HSPH1: variants seen among roughly 807,000 people sequenced by gnomAD.
HSPH1 encodes heat shock protein family H (Hsp110) member 1, also known as heat shock protein 105 kDa.
Under a neutral mutation model 100.0 loss-of-function variants are expected in HSPH1, and 40 were observed. The observed-to-expected ratio is 0.40, with a 90% CI of 0.31 to 0.52. The LOEUF is 0.52. HSPH1 is among the 20% of genes least tolerant of loss of function. The pLI is 0.54. For synonymous variants in HSPH1, 403 were observed against 344.0 expected (o/e 1.17, Z -1.90); for missense variants, 876 against 1,015.1 (o/e 0.86, Z 1.86).
At position 31,136,297 on chromosome 13, in the gene HSPH1, T is replaced by C. The variant is rs1484056260; in HGVS notation, c.*1021A>G. 6.6e-6 allele frequency: 1 copy of C among 152,208 alleles called. No homozygotes were observed. Among genetic ancestry groups the C allele is most frequent in the Non-Finnish European group, 1.5e-5 (1 of 68,040 alleles). 9.4% of individuals were successfully genotyped at this position (152,208 alleles called of 1,614,324 possible). ...ACTAATTTCCCTGGCACAGAGTTTT[T>C]AAAAACAGCCTACAGCACTATAACA... On this transcript the variant is annotated 3_prime_UTR_variant, in exon 18 of 18. Coordinates refer to ENST00000320027, the MANE Select transcript of HSPH1 (RefSeq NM_006644.4).
At chr13:31,144,074 G>T in intron 11 of HSPH1, 151 bp from the exon 12 acceptor site, 1 of 620,180 alleles carries the variant, frequency 1.6e-6, no homozygotes, top group Non-Finnish European at 2.4e-6. Flanking sequence ...AATGAACAAA[G>T]TACTTGAAAA....
chr13:31,141,435 T>C (rs1340983525), intron 12 of HSPH1, among the ~76,000 whole-genome samples, 176 bp from the exon 13 acceptor site: 1 of 152,084 alleles, frequency 6.6e-6, no homozygotes, highest in Non-Finnish European at 1.5e-5. Flanking sequence ...AGGGCTGCTA[T>C]TAAATATGCC....
At chr13:31,155,377 CTTTAA>C in intron 3 of HSPH1, 132 bp downstream of exon 3, 1 of 599,882 alleles carries the variant, frequency 1.7e-6, no homozygotes, top group Non-Finnish European at 2.9e-6. Flanking sequence ...ATCTACTATA[CTTTAA>C]AAGGAGCTGA....
chr13:31,161,790 T>TA lies in HSPH1; in HGVS notation c.-209dup. The TA allele has an allele frequency of 6.7e-7, 1 of 1,494,590 alleles. No individual in the cohort carries two copies. 92.6% of individuals were successfully genotyped at this position (1,494,590 alleles called of 1,614,324 possible). ...CCCGGGGACAGCGGCGGCTGGCTGA[T>TA]AAGAAACCCTGGGAGAAAGCGGGGC... is the stretch of plus-strand genomic sequence containing the variant. On this transcript the variant is annotated 5_prime_UTR_variant, in exon 1 of 18. Coordinates refer to ENST00000320027, the MANE Select transcript of HSPH1 (RefSeq NM_006644.4).
chr13:31,158,909 T>C, intron 1 of HSPH1, 46 bp from the exon 2 acceptor site: 1 of 1,153,052 alleles, frequency 8.7e-7, no homozygotes, highest in Non-Finnish European at 1.3e-6. Flanking sequence ...TAAAGGTTGA[T>C]ATTTTAAACT....
intron 12 of HSPH1, 58 bp downstream of exon 12, chr13:31,143,734 C>A: frequency 3.5e-6 from 5 of 1,428,284 alleles, no homozygotes; most frequent in Non-Finnish European, 4.7e-6. Flanking sequence ...TTAATGATAT[C>A]ATTAATGATT....
In HSPH1 at chr13:31,136,629, G is replaced by A. The variant is rs1593703597; in HGVS notation, c.*689C>T. 1 of 152,446 alleles carries A rather than the reference G, an allele frequency of 6.6e-6. No homozygotes were observed. The highest frequency in any genetic ancestry group is 1.5e-5 in the Non-Finnish European group (1 of 68,008). 9.4% of individuals were successfully genotyped at this position (152,446 alleles called of 1,614,324 possible). A position where few individuals can be genotyped will look rare whatever the true frequency, so the allele number is the denominator to read the frequency against. ...AATTAGTGACAAAATCAACAGTTTA[G>A]AAATGACACCATAAGATGAACTTTA... On this transcript the variant is annotated 3_prime_UTR_variant, in exon 18 of 18. Transcript: ENST00000320027.
In HSPH1 at chr13:31,135,217, G is replaced by A. The variant is rs1955856328; in HGVS notation, c.*2101C>T. 1 of 152,308 alleles carries A rather than the reference G, an allele frequency of 6.6e-6. No homozygotes were observed. 9.4% of individuals were successfully genotyped at this position (152,308 alleles called of 1,614,324 possible). A position where few individuals can be genotyped will look rare whatever the true frequency, so the allele number is the denominator to read the frequency against. The stretch of plus-strand genomic sequence containing the variant: ...GCAGTACACTGATTTAGGCCAGACT[G>A]ACTGATGCTCCCTCCCGTCATCAGG... On this transcript the variant is annotated 3_prime_UTR_variant, in exon 18 of 18. Coordinates refer to ENST00000320027, the MANE Select transcript of HSPH1 (RefSeq NM_006644.4).
At position 31,148,424 on chromosome 13, in the gene HSPH1, A is replaced by T. The variant is rs757155761; in HGVS notation, c.1194T>A (p.Val398=). 2 of 1,586,774 alleles carry T rather than the reference A, an allele frequency of 1.3e-6. No individual in the cohort carries two copies. The highest frequency in any genetic ancestry group is 4.6e-5 in the East Asian group (2 of 43,774). Residue 398 remains valine (V), a synonymous_variant, in exon 9 of 18, where the codon GTT becomes GTA. Transcript: ENST00000320027. ...TCCAGATCAGAGATATTGGAAAAGG[A>T]ACTGCATCTGTGACGGAAAATTCTC... ...KVREFSVTDA[V]PFPISLIWNH... is the part of the protein sequence containing the mutation.
intron 11 of HSPH1, among the ~76,000 whole-genome samples, chr13:31,144,572 T>C (rs1316731283): frequency 1.3e-5 from 2 of 152,144 alleles, no homozygotes; most frequent in East Asian, 3.8e-4. Flanking sequence ...TTTTCTTTTT[T>C]AGTAGCCCTC....
In HSPH1 at chr13:31,161,880, G is replaced by A. The variant is rs576965805; in HGVS notation, c.-298C>T. ...CTCACTCTGCCGCGGCTCGCACACC[G>A]GCGCCGGCGCTGAACTACCGACCCA... is the stretch of plus-strand genomic sequence containing the variant. On this transcript the variant is annotated 5_prime_UTR_variant, in exon 1 of 18. Coordinates refer to ENST00000320027, the MANE Select transcript of HSPH1 (RefSeq NM_006644.4). The A allele has an allele frequency of 1.8e-5, 27 of 1,486,762 alleles. No individual in the cohort carries two copies. The highest frequency in any genetic ancestry group is 1.3e-4 in the South Asian group (10 of 77,268). 92.1% of individuals were successfully genotyped at this position (1,486,762 alleles called of 1,614,324 possible). A position where few individuals can be genotyped will look rare whatever the true frequency, so the allele number is the denominator to read the frequency against.
At position 31,137,450 on chromosome 13, in the gene HSPH1, AGT is replaced by A; in HGVS notation, c.2443_2444del (p.Thr815SerfsTer7). On this transcript the variant is annotated frameshift_variant, in exon 18 of 18. Transcript: ENST00000320027. LOFTEE classifies it high-confidence loss of function. ...TTTTATCAATATTTGGGCCATTTGGAGTTCTTTCCAGTTTGGGTGATTCAATT... is the reference window on the plus strand; with the variant it reads ...TTTTATCAATATTTGGGCCATTTGGATCTTTCCAGTTTGGGTGATTCAATT... ...PKIESPKLER[T>X]PNGPNIDKKE... 6.2e-7 allele frequency: 1 copy of A among 1,613,562 alleles called. No individual in the cohort carries two copies. The highest frequency in any genetic ancestry group is 8.5e-7 in the Non-Finnish European group (1 of 1,179,702).
At chr13:31,145,888 G>C (rs948836339) in intron 10 of HSPH1, 120 bp from the exon 11 acceptor site, 1 of 816,168 alleles carries the variant, frequency 1.2e-6, no homozygotes, top group Non-Finnish European at 2.0e-6. Context: ...GGGAGGCCGT[G>C]GTGGGTCACT....
intron 7 of HSPH1, 126 bp downstream of exon 7, chr13:31,150,821 G>T: frequency 1.1e-6 from 1 of 928,564 alleles, no homozygotes; most frequent in Non-Finnish European, 1.6e-6. Context: ...AGCATCTCCA[G>T]CCACAGGCAT....
chr13:31,141,274 T>C lies in HSPH1; in HGVS notation c.1717-15A>G, dbSNP rs775926945. 10 of 1,563,578 alleles carry C rather than the reference T, an allele frequency of 6.4e-6. No individual in the cohort carries two copies. Among genetic ancestry groups the C allele is most frequent in the Non-Finnish European group, 6.0e-6 (7 of 1,160,086 alleles). On this transcript the variant is annotated splice_polypyrimidine_tract_variant and intron_variant, in intron 12 of 17. Transcript: ENST00000320027. ...TTTTCATTTGCCTTGGGAAGAGGAATAAAAAAAGGAAAAAATTTTAAACAA... is the reference window on the plus strand; with the variant it reads ...TTTTCATTTGCCTTGGGAAGAGGAACAAAAAAAGGAAAAAATTTTAAACAA...
rs185618087 is a variant in HSPH1 at position 31,139,268 on chromosome 13, T to A, written c.1981-161A>T. The A allele has an allele frequency of 1.9e-5, 11 of 585,278 alleles. No homozygotes were observed. In the South Asian group the frequency reaches 2.3e-4, roughly 12 times the overall value. 36.3% of individuals were successfully genotyped at this position (585,278 alleles called of 1,614,324 possible). A position where few individuals can be genotyped will look rare whatever the true frequency, so the allele number is the denominator to read the frequency against. Reference sequence around the variant, plus strand: ...ACAGAGACCTTGAAAATGGCTCTCATTGACTTAAAATATTTTATCTTAGAA... The same window carrying A: ...ACAGAGACCTTGAAAATGGCTCTCAATGACTTAAAATATTTTATCTTAGAA... On this transcript the variant is annotated intron_variant, in intron 14 of 17. Transcript: ENST00000320027.
At chr13:31,161,435 C>T (rs772776246) in intron 1 of HSPH1, 41 bp downstream of exon 1, 5 of 1,610,272 alleles carry the variant, frequency 3.1e-6, no homozygotes, top group Middle Eastern at 1.7e-4. Flanking sequence ...CACTAAGGGC[C>T]CAGAACCTCC....
Position 31,150,176 on chromosome 13 carries a change from T to C in HSPH1, c.915A>G (p.Gln305=). The change falls in exon 8 of 18, where the codon CAA becomes CAG. Residue 305 remains glutamine, a synonymous_variant. Transcript: ENST00000320027. ...GAAGTTCAGCACAGAGTTCTTCAAA[T>C]TGTGACCTTAGCAAATAAAAACTTG... ...KDVSGKMNRS[Q]FEELCAELLQ... The C allele has an allele frequency of 6.3e-7, 1 of 1,575,036 alleles. No individual in the cohort carries two copies. Among genetic ancestry groups the C allele is most frequent in the Non-Finnish European group, 8.6e-7 (1 of 1,158,366 alleles).
intron 1 of HSPH1, among the ~76,000 whole-genome samples, chr13:31,160,123 A>G (rs910689514): frequency 4.6e-5 from 7 of 152,238 alleles, no homozygotes; most frequent in African/African-American, 1.4e-4. Flanking sequence ...TAGTCCCTGT[A>G]TAACACAATT....
Sources: allele counts gnomAD v4.1 joint callset (sites outside exome capture counted in the v4.1 genomes callset), GRCh38; gene constraint gnomAD v4.1.1; transcripts MANE v1.5; gene names NCBI Gene and HGNC (gene_info 2026-07-23, HGNC 2026-07-21).